Variants in STX12 observed in about 807,000 individuals in gnomAD.
The protein encoded by STX12 is syntaxin 12, also known as syntaxin-12.
A neutral mutation model predicts 42.2 loss-of-function variants in STX12; 17 were observed. The ratio of observed to expected loss-of-function variants is 0.40; its 90% CI spans 0.28 to 0.60. The LOEUF is 0.60. Ranked by LOEUF, STX12 falls within the 20% of genes least tolerant of loss-of-function variation. STX12 has a pLI of 0.39. For missense variants in STX12, 297 were observed against 330.9 expected (o/e 0.90, Z 0.79); for synonymous variants, 108 against 116.7 (o/e 0.93, Z 0.48).
intron 8 of STX12, among the ~76,000 whole-genome samples, chr1:27,821,912 G>A (rs1399945617): frequency 2.6e-5 from 4 of 152,150 alleles, no homozygotes; most frequent in African/African-American, 9.7e-5. Flanking sequence ...CAGCTGCTCA[G>A]GAGGCTGAGA....
chr1:27,773,460 G>A lies in STX12; in HGVS notation c.118+35G>A, dbSNP rs369960212. 1.1e-3 allele frequency: 1,750 copies of A among 1,599,404 alleles called. 30 individuals are homozygous for A. The South Asian group carries it at 0.015, about 14-fold the overall frequency. On this transcript the variant is annotated intron_variant, in intron 1 of 8. Coordinates refer to ENST00000373943, the MANE Select transcript of STX12 (RefSeq NM_177424.3). ...GGTACCGAGCTGGGGGGCGGGAGCT[G>A]TCCCGGGGACAGGCCTGGGTGAGGC...
chr1:27,795,880 C>G (rs2088782584), intron 3 of STX12, among the ~76,000 whole-genome samples: 1 of 152,102 alleles, frequency 6.6e-6, no homozygotes, highest in Middle Eastern at 3.2e-3. Flanking sequence ...TGCCAAGTTA[C>G]CCATTTCTTC....
intron 6 of STX12, among the ~76,000 whole-genome samples, chr1:27,816,618 AGAAG>A (rs1426494343): frequency 7.5e-6 from 1 of 132,768 alleles, no homozygotes; most frequent in African/African-American, 2.7e-5. Flanking sequence ...GGATAGAGAG[AGAAG>A]GGAGGGAGGG....
intron 1 of STX12, among the ~76,000 whole-genome samples, chr1:27,784,350 A>T (rs904093875): frequency 6.6e-6 from 1 of 152,080 alleles, no homozygotes; most frequent in Non-Finnish European, 1.5e-5. Context: ...CCTCTTGAGT[A>T]GCCAGGACTA....
intron 1 of STX12, among the ~76,000 whole-genome samples, chr1:27,783,249 C>G (rs2088679939): frequency 6.6e-6 from 1 of 152,160 alleles, no homozygotes; most frequent in Non-Finnish European, 1.5e-5. Context: ...GCTTCATACT[C>G]TTTTAAAAGT....
chr1:27,775,787 A>G (rs530790671), intron 1 of STX12, among the ~76,000 whole-genome samples: 1 of 152,318 alleles, frequency 6.6e-6, no homozygotes, highest in East Asian at 1.9e-4. Flanking sequence ...AGAGGATGGA[A>G]AGATTTGGAC....
At position 27,792,255 on chromosome 1, in the gene STX12, TAG is replaced by T. The variant is rs1491443120; in HGVS notation, c.189-1276_189-1275del. ...ACATATATATGTATCTATATATATGTAGATACATATATATGTATCTATATATA... is the reference window on the plus strand; with the variant it reads ...ACATATATATGTATCTATATATATGTATACATATATATGTATCTATATATA... On this transcript the variant is annotated intron_variant, in intron 2 of 8. Coordinates refer to ENST00000373943, the MANE Select transcript of STX12 (RefSeq NM_177424.3). Among the ~76,000 whole-genome samples the T allele has an allele frequency of 2.3e-3, 300 of 128,074 alleles. 60 individuals are homozygous for T. The highest frequency in any genetic ancestry group is 8.7e-3 in the African/African-American group (262 of 30,166). 84.0% of individuals were successfully genotyped at this position (128,074 alleles called of 152,430 possible).
intron 3 of STX12, among the ~76,000 whole-genome samples, chr1:27,799,752 C>T (rs1005200077): frequency 2.0e-5 from 3 of 150,754 alleles, no homozygotes; most frequent in African/African-American, 7.3e-5. Flanking sequence ...AATAGCTTGG[C>T]GTTTTGTTTT....
At chr1:27,786,599 C>T (rs946490346) in intron 1 of STX12, among the ~76,000 whole-genome samples, 4 of 152,078 alleles carry the variant, frequency 2.6e-5, no homozygotes, top group Non-Finnish European at 5.9e-5. Context: ...AGAAGACTCT[C>T]GAAGGCAAGT....
At chr1:27,785,535 G>A (rs1023633702) in intron 1 of STX12, among the ~76,000 whole-genome samples, 1 of 152,156 alleles carries the variant, frequency 6.6e-6, no homozygotes, top group Non-Finnish European at 1.5e-5. Flanking sequence ...AGGATTTAAT[G>A]AGATAAAATA....
chr1:27,791,953 C>T (rs78628827), intron 2 of STX12, among the ~76,000 whole-genome samples: 3 of 147,694 alleles, frequency 2.0e-5, no homozygotes, highest in South Asian at 2.1e-4. Context: ...CACAGCACTC[C>T]GGCCTGGCGA....
At chr1:27,789,684 G>A in intron 2 of STX12, 53 bp downstream of exon 2, 1 of 1,397,898 alleles carries the variant, frequency 7.2e-7, no homozygotes, top group Non-Finnish European at 1.0e-6. Flanking sequence ...TGAGGACACA[G>A]TGTCCTTGCC....
chr1:27,800,884 G>A (rs1483909306), intron 3 of STX12, among the ~76,000 whole-genome samples: 3 of 152,102 alleles, frequency 2.0e-5, no homozygotes, highest in Non-Finnish European at 4.4e-5. Flanking sequence ...GATAAATGAA[G>A]TACTTACCAA....
intron 5 of STX12, among the ~76,000 whole-genome samples, chr1:27,811,712 A>C (rs1228641692): frequency 6.6e-6 from 1 of 152,060 alleles, no homozygotes; most frequent in Non-Finnish European, 1.5e-5. Context: ...CTGTTGAACT[A>C]ACTGGCAAAG....
chr1:27,821,178 A>G (rs910577478), intron 8 of STX12, among the ~76,000 whole-genome samples: 1 of 152,028 alleles, frequency 6.6e-6, no homozygotes, highest in African/African-American at 2.4e-5. Flanking sequence ...TAAAAAAAAA[A>G]AAAAGAAGAA....
intron 4 of STX12, among the ~76,000 whole-genome samples, chr1:27,808,493 C>T (rs2088880102): frequency 6.6e-6 from 1 of 151,472 alleles, no homozygotes; most frequent in African/African-American, 2.4e-5. Flanking sequence ...AGGCACCCAC[C>T]ACCATGCCTG....
intron 3 of STX12, among the ~76,000 whole-genome samples, chr1:27,794,009 A>AATT (rs1471396706): frequency 8.0e-6 from 1 of 125,582 alleles, no homozygotes; most frequent in Non-Finnish European, 1.6e-5. Flanking sequence ...TTTTTTTTTT[A>AATT]ATTATTATTA....
intron 7 of STX12, among the ~76,000 whole-genome samples, chr1:27,818,788 C>T (rs1362005188): frequency 6.6e-6 from 1 of 152,046 alleles, no homozygotes; most frequent in African/African-American, 2.4e-5. Context: ...TGCCACCACG[C>T]CCGCTAATTT....
At chr1:27,813,808 G>A (rs987366143) in intron 6 of STX12, among the ~76,000 whole-genome samples, 2 of 152,166 alleles carry the variant, frequency 1.3e-5, no homozygotes, top group African/African-American at 4.8e-5. Context: ...CCTGGGCATG[G>A]GTATTTTTTT....
Sources: allele counts gnomAD v4.1 joint callset (sites outside exome capture counted in the v4.1 genomes callset), GRCh38; gene constraint gnomAD v4.1.1; transcripts MANE v1.5; gene names NCBI Gene and HGNC (gene_info 2026-07-23, HGNC 2026-07-21).